The following ATP6V1H variants were observed in gnomAD, a reference collection of about 807,000 sequenced individuals.
ATP6V1H encodes ATPase H+ transporting V1 subunit H.
A neutral mutation model predicts 71.7 loss-of-function variants in ATP6V1H; 39 were observed. That is an observed-to-expected ratio of 0.54 (90% CI 0.42 to 0.71). The LOEUF (loss-of-function observed/expected upper bound fraction) is 0.71, where lower values mean the gene tolerates loss of function less well. Ranked by LOEUF, ATP6V1H falls within the 30% of genes least tolerant of loss-of-function variation. ATP6V1H has a pLI of 0.00. For synonymous variants in ATP6V1H, 192 were observed against 199.3 expected (o/e 0.96, Z 0.31); for missense variants, 509 against 594.9 (o/e 0.86, Z 1.50).
chr8:53,729,520 C>T (rs1485645760), intron 13 of ATP6V1H, among the ~76,000 whole-genome samples: 1 of 152,114 alleles, frequency 6.6e-6, no homozygotes, highest in Non-Finnish European at 1.5e-5. Flanking sequence ...CTGAAGGACC[C>T]CAGGAAGTAG....
At chr8:53,781,262 G>A (rs1809116653) in intron 9 of ATP6V1H, among the ~76,000 whole-genome samples, 1 of 152,124 alleles carries the variant, frequency 6.6e-6, no homozygotes, top group African/African-American at 2.4e-5. Flanking sequence ...ATCTCACTGT[G>A]GTTTTGATTT....
chr8:53,815,077 A>G (rs1347864990), intron 5 of ATP6V1H, among the ~76,000 whole-genome samples: 1 of 152,222 alleles, frequency 6.6e-6, no homozygotes, highest in East Asian at 1.9e-4. Context: ...ACAGAACACA[A>G]AAATCTTTCT....
chr8:53,811,984 G>A (rs1370502560), intron 6 of ATP6V1H, among the ~76,000 whole-genome samples: 1 of 152,102 alleles, frequency 6.6e-6, no homozygotes, highest in Admixed American at 6.6e-5. Context: ...TACTTTTTGT[G>A]AGAGAGAAAA....
chr8:53,791,993 C>T (rs4737761), intron 9 of ATP6V1H, among the ~76,000 whole-genome samples: 1 of 152,018 alleles, frequency 6.6e-6, no homozygotes, highest in Non-Finnish European at 1.5e-5. Context: ...TAAATAAATA[C>T]GAATATGGAT....
chr8:53,767,721 C>A (rs1388695009), intron 11 of ATP6V1H, among the ~76,000 whole-genome samples: 1 of 152,164 alleles, frequency 6.6e-6, no homozygotes, highest in Non-Finnish European at 1.5e-5. Context: ...AGGTAAAGAA[C>A]AATCTTTTCA....
chr8:53,841,486 T>C, intron 2 of ATP6V1H, 92 bp downstream of exon 2: 2 of 1,385,090 alleles, frequency 1.4e-6, no homozygotes, highest in Non-Finnish European at 2.0e-6. Flanking sequence ...TTTCAGTATT[T>C]TCCCTGTATT....
chr8:53,837,508 AC>A (rs1401625484), intron 2 of ATP6V1H, among the ~76,000 whole-genome samples: 12 of 149,336 alleles, frequency 8.0e-5, no homozygotes, highest in African/African-American at 2.8e-4. Flanking sequence ...AAAAAAAAAA[AC>A]CAGTCCGGGT....
At chr8:53,825,945 T>C (rs570112926) in intron 4 of ATP6V1H, among the ~76,000 whole-genome samples, 1 of 152,278 alleles carries the variant, frequency 6.6e-6, no homozygotes, top group East Asian at 1.9e-4. Flanking sequence ...TGAAAAATGT[T>C]ATAAGCTAAG....
chr8:53,795,585 C>A, intron 9 of ATP6V1H, 62 bp downstream of exon 9: 1 of 1,501,804 alleles, frequency 6.7e-7, no homozygotes. Context: ...CTGCTAAAAA[C>A]TCAAATATAC....
At chr8:53,750,227 T>C (rs999920279) in intron 12 of ATP6V1H, among the ~76,000 whole-genome samples, 2 of 152,126 alleles carry the variant, frequency 1.3e-5, no homozygotes, top group Non-Finnish European at 2.9e-5. Flanking sequence ...CCACCCAATC[T>C]TACGAAAACA....
In ATP6V1H at chr8:53,743,511, C is replaced by G; in HGVS notation, c.1391+66G>C. On this transcript the variant is annotated intron_variant, in intron 13 of 13. Coordinates refer to ENST00000359530, the MANE Select transcript of ATP6V1H (RefSeq NM_015941.4). ...ATCATTCAAAGCATTTGCATAAGAA[C>G]TTTTAGAATGGCAAGTGAGAGTTTG... is the stretch of plus-strand genomic sequence containing the variant. The G allele has an allele frequency of 2.6e-6, 3 of 1,166,320 alleles. No homozygotes were observed. The East Asian group carries it at 7.1e-5, about 27-fold the overall frequency. The allele number at this position is 1,166,320 out of a possible 1,614,324, so 72.2% of individuals were successfully genotyped here.
At chr8:53,830,556 A>T (rs976269689) in intron 3 of ATP6V1H, among the ~76,000 whole-genome samples, 15 of 147,146 alleles carry the variant, frequency 1.0e-4, no homozygotes, top group Middle Eastern at 3.4e-3. Flanking sequence ...AAGCAAAATT[A>T]AAAAAAAAAA....
intron 10 of ATP6V1H, among the ~76,000 whole-genome samples, chr8:53,770,569 T>C (rs1808618825): frequency 6.6e-6 from 1 of 152,218 alleles, no homozygotes; most frequent in South Asian, 2.1e-4. Flanking sequence ...AATACTTTAA[T>C]GTAGGGCCAG....
At chr8:53,816,439 C>T (rs186934844) in intron 5 of ATP6V1H, among the ~76,000 whole-genome samples, 88 of 152,304 alleles carry the variant, frequency 5.8e-4, no homozygotes, top group Middle Eastern at 3.4e-3. Context: ...ATTCTCTCAA[C>T]CCTGCTTTCA....
chr8:53,826,125 C>G (rs866161938), intron 4 of ATP6V1H, among the ~76,000 whole-genome samples: 34 of 152,060 alleles, frequency 2.2e-4, no homozygotes, highest in Admixed American at 1.2e-3. Flanking sequence ...CCTCGGACAC[C>G]ATTCTGATAG....
At chr8:53,733,061 TCTG>T (rs1386529869) in intron 13 of ATP6V1H, among the ~76,000 whole-genome samples, 1 of 152,174 alleles carries the variant, frequency 6.6e-6, no homozygotes, top group African/African-American at 2.4e-5. Flanking sequence ...ACCCTTCACC[TCTG>T]CTGATCTCCT....
In ATP6V1H at chr8:53,820,603, G is replaced by A. The variant is rs563812835; in HGVS notation, c.307-3073C>T. 4.0e-5 allele frequency among the ~76,000 whole-genome samples: 6 copies of A among 150,470 alleles called. No homozygotes were observed. In the East Asian group the frequency reaches 1.2e-3, roughly 29 times the overall value. On this transcript the variant is annotated intron_variant, in intron 4 of 13. Coordinates refer to ENST00000359530, the MANE Select transcript of ATP6V1H (RefSeq NM_015941.4). ...GATCGTTTGAACCCAAGAGTTTGAGGTTACAGTGAGCTATAATGGCGCCAT... is the reference window on the plus strand; with the variant it reads ...GATCGTTTGAACCCAAGAGTTTGAGATTACAGTGAGCTATAATGGCGCCAT...
At chr8:53,750,817 C>T (rs1807767321) in intron 12 of ATP6V1H, among the ~76,000 whole-genome samples, 1 of 151,670 alleles carries the variant, frequency 6.6e-6, no homozygotes, top group Admixed American at 6.6e-5. Context: ...CCCATGATAA[C>T]AAAAAGAGTG....
At chr8:53,783,120 C>T (rs1014535117) in intron 9 of ATP6V1H, among the ~76,000 whole-genome samples, 4 of 152,020 alleles carry the variant, frequency 2.6e-5, no homozygotes, top group Non-Finnish European at 4.4e-5. Flanking sequence ...AGGAATGGTA[C>T]CAGCTCCTCC....
Sources: gnomAD v4.1 joint callset for allele counts (sites outside exome capture counted in the v4.1 genomes callset) on GRCh38, gnomAD v4.1.1 for gene constraint, MANE v1.5 for transcripts, NCBI Gene and HGNC (gene_info 2026-07-23, HGNC 2026-07-21) for gene names.